The following AP3S2 variants were observed in gnomAD, a reference collection of about 807,000 sequenced individuals.
AP3S2 encodes adaptor related protein complex 3 subunit sigma 2.
AP3S2 carries 22 observed loss-of-function variants against 23.4 expected under a neutral mutation model. The observed-to-expected ratio is 0.94, with a 90% CI of 0.67 to 1.34. The LOEUF is 1.34. Among genes scored for constraint, AP3S2 ranks in the 40% most tolerant of loss-of-function variants. AP3S2 has a pLI of 0.00. For missense variants in AP3S2, 241 were observed against 236.9 expected (o/e 1.02, Z -0.11); for synonymous variants, 86 against 87.1 (o/e 0.99, Z 0.07).
In AP3S2 at chr15:89,844,111, C is replaced by T. The variant is rs72756546; in HGVS notation, c.346-6389G>A. On this transcript the variant is annotated intron_variant, in intron 4 of 5. Coordinates refer to ENST00000336418, the MANE Select transcript of AP3S2 (RefSeq NM_005829.5). ...TAATCTGACTTTTACTGTGACTTTT[C>T]CCGTGAATGTTCAAGCCTACCATCA... 9.3e-3 allele frequency among the ~76,000 whole-genome samples: 1,419 copies of T among 152,244 alleles called. 9 individuals carry two copies. Among genetic ancestry groups the T allele is most frequent in the Non-Finnish European group, 0.014 (980 of 68,012 alleles).
chr15:89,869,047 G>C (rs1469618673), intron 4 of AP3S2, among the ~76,000 whole-genome samples: 1 of 151,792 alleles, frequency 6.6e-6, no homozygotes, highest in African/African-American at 2.4e-5. Flanking sequence ...CCTCTGCCCG[G>C]CCACCACCCC....
chr15:89,858,523 G>GAGAGAGAGAGAGAAAGAA (rs1555446558), intron 4 of AP3S2, among the ~76,000 whole-genome samples: 3 of 53,612 alleles, frequency 5.6e-5, no homozygotes, highest in Admixed American at 2.5e-4. Flanking sequence ...GAGAGAGAGA[G>GAGAGAGAGAGAGAAAGAA]AGAAAGAAAG....
intron 4 of AP3S2, among the ~76,000 whole-genome samples, chr15:89,863,032 G>A (rs1226501446): frequency 6.6e-6 from 1 of 152,056 alleles, no homozygotes; most frequent in Non-Finnish European, 1.5e-5. Flanking sequence ...GATAGAGTGG[G>A]AAAAGAATAG....
chr15:89,843,810 G>GAAAAA (rs1555445182), intron 4 of AP3S2, among the ~76,000 whole-genome samples: 1 of 152,040 alleles, frequency 6.6e-6, no homozygotes, highest in Non-Finnish European at 1.5e-5. Flanking sequence ...CTCCGTCTCA[G>GAAAAA]AAACAAAAAC....
intron 3 of AP3S2, among the ~76,000 whole-genome samples, chr15:89,882,208 C>A (rs1469039569): frequency 6.6e-6 from 1 of 152,014 alleles, no homozygotes; most frequent in African/African-American, 2.4e-5. Flanking sequence ...CTGTTTTTAG[C>A]AGAATAGGCA....
chr15:89,889,789 A>G (rs1191789479), intron 1 of AP3S2, among the ~76,000 whole-genome samples: 1 of 144,320 alleles, frequency 6.9e-6, no homozygotes, highest in Admixed American at 7.2e-5. Flanking sequence ...GCTTGAACCC[A>G]GGAAGCGGAG....
In AP3S2 at chr15:89,842,767, C is replaced by G. The variant is rs147413911; in HGVS notation, c.346-5045G>C. Among the ~76,000 whole-genome samples, 592 of 152,208 alleles carry G rather than the reference C, an allele frequency of 3.9e-3. 9 individuals are homozygous for G. In the East Asian group the frequency reaches 0.061, roughly 16 times the overall value. Reference sequence around the variant, plus strand: ...AGCTGGGACTATAGGCATGCGCCACCATGCCCAGCTAATTTTTGTATTTTT... The same window carrying G: ...AGCTGGGACTATAGGCATGCGCCACGATGCCCAGCTAATTTTTGTATTTTT... On this transcript the variant is annotated intron_variant, in intron 4 of 5. Transcript: ENST00000336418.
chr15:89,868,819 T>G (rs1224210305), intron 4 of AP3S2, among the ~76,000 whole-genome samples: 1 of 93,644 alleles, frequency 1.1e-5, no homozygotes, highest in Non-Finnish European at 2.1e-5. Flanking sequence ...GGGAGGGAGG[T>G]GGGGGGGTCA....
At chr15:89,844,273 C>T (rs7164287) in intron 4 of AP3S2, among the ~76,000 whole-genome samples, 223 of 16,130 alleles carry the variant, frequency 0.014, 3 homozygotes, top group East Asian at 0.067. Flanking sequence ...CTTTCTTTCT[C>T]TCTCTCTCTC....
intron 4 of AP3S2, among the ~76,000 whole-genome samples, chr15:89,843,529 T>C (rs1265297473): frequency 6.6e-6 from 1 of 152,012 alleles, no homozygotes; most frequent in Non-Finnish European, 1.5e-5. Flanking sequence ...TCCCAGCTAC[T>C]CAGGAGGCTG....
chr15:89,856,639 T>C (rs1462621723), intron 4 of AP3S2, among the ~76,000 whole-genome samples: 1 of 145,830 alleles, frequency 6.9e-6, no homozygotes, highest in Non-Finnish European at 1.5e-5. Context: ...GAGGCAGAGA[T>C]TGCAGTGAGC....
intron 4 of AP3S2, among the ~76,000 whole-genome samples, chr15:89,868,231 G>T (rs1158421138): frequency 2.2e-5 from 1 of 46,320 alleles, no homozygotes; most frequent in Non-Finnish European, 4.8e-5. Context: ...TCAGCCCTCC[G>T]CCCGGCCAGC....
chr15:89,855,692 T>TA (rs71464495), intron 4 of AP3S2, among the ~76,000 whole-genome samples: 32,167 of 132,052 alleles, frequency 0.24, 4,167 homozygotes, highest in Non-Finnish European at 0.3. Context: ...CTACTAAAAA[T>TA]AAAAAAAATT....
At chr15:89,893,565 C>T (rs1896868192) in intron 1 of AP3S2, 1 of 417,342 alleles carries the variant, frequency 2.4e-6, no homozygotes, top group Non-Finnish European at 4.2e-6. Flanking sequence ...ACTTCAATCA[C>T]TCAAGTTCTC....
chr15:89,857,586 GC>G (rs1204335033), intron 4 of AP3S2, among the ~76,000 whole-genome samples: 1 of 152,176 alleles, frequency 6.6e-6, no homozygotes, highest in East Asian at 1.9e-4. Context: ...AGATATAAAT[GC>G]CCAATAATCA....
Position 89,834,321 on chromosome 15 carries a change from A to C in AP3S2, c.*1194T>G, listed in dbSNP as rs574291328. On this transcript the variant is annotated 3_prime_UTR_variant, in exon 6 of 6. Coordinates refer to ENST00000336418, the MANE Select transcript of AP3S2 (RefSeq NM_005829.5). The stretch of plus-strand genomic sequence containing the variant: ...CAAACCTTCTGCTCTCATGAGGAGA[A>C]TGTATTTTAAACTTGGGAAGAGTCA... The C allele has an allele frequency of 6.6e-6, 1 of 152,376 alleles. No homozygotes were observed. The highest frequency in any genetic ancestry group is 1.5e-5 in the Non-Finnish European group (1 of 68,042). 9.4% of individuals were successfully genotyped at this position (152,376 alleles called of 1,614,324 possible). A position where few individuals can be genotyped will look rare whatever the true frequency, so the allele number is the denominator to read the frequency against.
chr15:89,889,196 T>C, intron 1 of AP3S2, 56 bp from the exon 2 acceptor site: 2 of 1,584,142 alleles, frequency 1.3e-6, no homozygotes, highest in African/African-American at 1.3e-5. Context: ...CTACATCCCA[T>C]CCATGGGGAT....
chr15:89,878,398 C>T lies in AP3S2; in HGVS notation c.274-6852G>A. 5.5e-6 allele frequency: 3 copies of T among 541,764 alleles called. No homozygotes were observed. The Admixed American group carries it at 1.2e-4, about 21-fold the overall frequency. The allele number at this position is 541,764 out of a possible 1,614,324, so 33.6% of individuals were successfully genotyped here. A position where few individuals can be genotyped will look rare whatever the true frequency, so the allele number is the denominator to read the frequency against. On this transcript the variant is annotated intron_variant, in intron 3 of 5. Transcript: ENST00000336418. ...TACAATTAGGAAAAAATCTAACTTA[C>T]AAACAAACAAAACAAATGAGCCTTT...
rs760137360 is a variant in AP3S2, at chr15:89,835,557, G to A, written c.540C>T (p.Gly180=). Residue 180 remains glycine (G), a synonymous_variant, in exon 6 of 6, where the codon GGC becomes GGT. Coordinates refer to ENST00000336418, the MANE Select transcript of AP3S2 (RefSeq NM_005829.5). ...LPEIPRNINI[G]DLNIKVPNLS... ...GGTTGGGAACTTTGATGTTGAGATC[G>A]CCAATGTTGATGTTCCGAGGAATCT... The A allele has an allele frequency of 1.4e-5, 23 of 1,613,844 alleles. No homozygotes were observed. The highest frequency in any genetic ancestry group is 6.7e-5 in the Admixed American group (4 of 59,984).
Sources: allele counts gnomAD v4.1 joint callset (sites outside exome capture counted in the v4.1 genomes callset), GRCh38; gene constraint gnomAD v4.1.1; transcripts MANE v1.5; gene names NCBI Gene and HGNC (gene_info 2026-07-23, HGNC 2026-07-21).